ROBO1: variants seen among roughly 807,000 people sequenced by gnomAD.
The protein encoded by ROBO1 is roundabout homolog 1.
In ROBO1, 149 loss-of-function variants were observed where a neutral mutation model predicts 195.9. The ratio of observed to expected loss-of-function variants is 0.76; its 90% confidence interval spans 0.67 to 0.87. The LOEUF is 0.87. ROBO1 is among the 40% of genes least tolerant of loss of function. The pLI is 0.00. For missense variants in ROBO1, 1,933 were observed against 2,068.3 expected, an observed-to-expected ratio of 0.93 and a Z score of 1.27; for synonymous variants, 816 against 733.2, an observed-to-expected ratio of 1.11 and a Z score of -1.82.
Position 78,938,922 on chromosome 3 carries a change from G to A in ROBO1, c.178C>T (p.Arg60Cys), listed in dbSNP as rs759462146. 62 of 1,603,978 alleles carry A rather than the reference G, an allele frequency of 3.9e-5. 2 individuals carry two copies. The Admixed American group carries it at 8.7e-4, about 23-fold the overall frequency. Residue 60 changes from arginine to cysteine, a missense_variant, in exon 4 of 31, where the codon CGT (arginine) becomes TGT (cysteine). Transcript: ENST00000464233. ...DDNSLGYTGS[R>C]LRQEDFPPRI... ...GGTGGAAAATCTTCCTGACGAAGAC[G>A]GGAGCCTGCAGAAGAATTCACAAAA...
At chr3:79,063,544 TA>T (rs2078956275) in intron 3 of ROBO1, among the ~76,000 whole-genome samples, 1 of 151,782 alleles carries the variant, frequency 6.6e-6, no homozygotes, top group South Asian at 2.1e-4. Flanking sequence ...TACTTCAGTT[TA>T]CCAGTGACCT....
intron 1 of ROBO1, among the ~76,000 whole-genome samples, chr3:79,725,223 CTTTTTTTTTT>C (rs35418345): frequency 9.4e-6 from 1 of 106,508 alleles, no homozygotes; most frequent in Non-Finnish European, 1.8e-5. Context: ...CTCTCTTCTT[CTTTTTTTTTT>C]TTTTTTTTTT....
chr3:79,561,008 T>G (rs1470341286), intron 2 of ROBO1, among the ~76,000 whole-genome samples: 3 of 152,154 alleles, frequency 2.0e-5, no homozygotes, highest in African/African-American at 7.2e-5. Context: ...ATAGCAGTTG[T>G]TTTGTAATGG....
intron 1 of ROBO1, among the ~76,000 whole-genome samples, chr3:79,646,443 C>T (rs890389139): frequency 1.1e-4 from 17 of 152,164 alleles, no homozygotes; most frequent in African/African-American, 4.1e-4. Flanking sequence ...AAAGGGAATT[C>T]TTGTACACTG....
At chr3:78,811,695 G>A (rs1243148856) in intron 4 of ROBO1, among the ~76,000 whole-genome samples, 3 of 152,002 alleles carry the variant, frequency 2.0e-5, no homozygotes, top group Non-Finnish European at 2.9e-5. Flanking sequence ...TAAACTAGTC[G>A]CTATTCCTCT....
intron 2 of ROBO1, among the ~76,000 whole-genome samples, chr3:79,340,088 T>C (rs193272570): frequency 3.3e-5 from 5 of 152,220 alleles, no homozygotes; most frequent in African/African-American, 9.6e-5. Flanking sequence ...TCGCCTAGAG[T>C]TGCTTGCTGC....
At chr3:79,715,580 G>A (rs1223588502) in intron 1 of ROBO1, among the ~76,000 whole-genome samples, 1 of 151,968 alleles carries the variant, frequency 6.6e-6, no homozygotes, top group African/African-American at 2.4e-5. Context: ...ACATGTGCTG[G>A]GAAACTAAAA....
chr3:79,473,942 T>G (rs1938417899), intron 2 of ROBO1, among the ~76,000 whole-genome samples: 2 of 152,110 alleles, frequency 1.3e-5, no homozygotes, highest in African/African-American at 2.4e-5. Context: ...AAGAAATATG[T>G]GAGTTCTGAA....
At chr3:78,794,021 A>T (rs780038725) in intron 4 of ROBO1, among the ~76,000 whole-genome samples, 18 of 152,220 alleles carry the variant, frequency 1.2e-4, no homozygotes, top group Non-Finnish European at 2.6e-4. Flanking sequence ...TAAAAAGTTA[A>T]GATTTGGTCA....
intron 3 of ROBO1, among the ~76,000 whole-genome samples, chr3:78,971,251 T>C (rs1025600704): frequency 3.3e-5 from 5 of 151,982 alleles, no homozygotes; most frequent in African/African-American, 1.2e-4. Context: ...GAGCCAGGCA[T>C]GGTGGTGGGC....
chr3:78,801,757 G>T (rs947698155), intron 4 of ROBO1, among the ~76,000 whole-genome samples: 2 of 152,030 alleles, frequency 1.3e-5, no homozygotes, highest in Admixed American at 6.6e-5. Context: ...ATAACAAATA[G>T]TAATACAACT....
chr3:79,480,891 A>G (rs1938813950), intron 2 of ROBO1, among the ~76,000 whole-genome samples: 1 of 152,124 alleles, frequency 6.6e-6, no homozygotes, highest in Non-Finnish European at 1.5e-5. Flanking sequence ...AATAGGCTAT[A>G]CACATGCTAT....
chr3:79,436,058 C>T (rs934505517), intron 2 of ROBO1, among the ~76,000 whole-genome samples: 7 of 151,998 alleles, frequency 4.6e-5, no homozygotes, highest in Non-Finnish European at 8.8e-5. Flanking sequence ...GCTCTATATG[C>T]CAGGAAAACA....
chr3:79,326,363 A>G (rs1576979114), intron 2 of ROBO1, among the ~76,000 whole-genome samples: 2 of 152,276 alleles, frequency 1.3e-5, no homozygotes, highest in East Asian at 3.9e-4. Flanking sequence ...CTTGTGGGGC[A>G]TCACGGAACC....
chr3:79,096,647 A>G (rs1209911455), intron 3 of ROBO1, among the ~76,000 whole-genome samples: 1 of 151,188 alleles, frequency 6.6e-6, no homozygotes, highest in Non-Finnish European at 1.5e-5. Context: ...ACACATAGGA[A>G]GACTAGACAA....
intron 2 of ROBO1, among the ~76,000 whole-genome samples, chr3:79,135,089 A>G (rs867022133): frequency 6.6e-6 from 1 of 152,178 alleles, no homozygotes; most frequent in African/African-American, 2.4e-5. Flanking sequence ...GGTCAAGACT[A>G]TAATACGTTC....
chr3:78,623,892 T>C (rs1201991176), intron 26 of ROBO1, among the ~76,000 whole-genome samples: 2 of 151,962 alleles, frequency 1.3e-5, no homozygotes, highest in South Asian at 2.1e-4. Context: ...ATTAGGGAAA[T>C]GGAAGAATGA....
intron 2 of ROBO1, among the ~76,000 whole-genome samples, chr3:79,381,788 T>G (rs2036583642): frequency 6.6e-6 from 1 of 152,190 alleles, no homozygotes; most frequent in East Asian, 1.9e-4. Context: ...TATATTAATA[T>G]GTAGGTATAT....
intron 1 of ROBO1, among the ~76,000 whole-genome samples, chr3:79,697,614 T>TTTTCAA (rs1173573016): frequency 2.6e-5 from 4 of 151,490 alleles, no homozygotes; most frequent in Non-Finnish European, 4.4e-5. Context: ...GTGGCAAGTG[T>TTTTCAA]TTTCAAATTC....
Sources: allele counts gnomAD v4.1 joint callset (sites outside exome capture counted in the v4.1 genomes callset), GRCh38; gene constraint gnomAD v4.1.1; transcripts MANE v1.5; gene names NCBI Gene and HGNC (gene_info 2026-07-23, HGNC 2026-07-21).